The following SYNGR1 variants were observed in gnomAD, a reference collection of about 807,000 sequenced individuals.
SYNGR1 encodes synaptogyrin 1.
In SYNGR1, 14 loss-of-function variants were observed where a neutral mutation model predicts 26.1. That is an observed-to-expected ratio of 0.54 (90% CI 0.35 to 0.84). The LOEUF (loss-of-function observed/expected upper bound fraction) is 0.84, where lower values mean the gene tolerates loss of function less well. SYNGR1 is among the 40% of genes least tolerant of loss of function. The probability of loss-of-function intolerance (pLI) is 0.01; values close to 1 mark genes in which losing one functional copy is unlikely to be tolerated. For missense variants in SYNGR1, 319 were observed against 332.9 expected (o/e 0.96, Z 0.33); for synonymous variants, 141 against 150.1 (o/e 0.94, Z 0.44).
intron 1 of SYNGR1, among the ~76,000 whole-genome samples, 178 bp from the exon 2 acceptor site, chr22:39,374,137 AT>A (rs1601663797): frequency 6.6e-6 from 1 of 152,088 alleles, no homozygotes; most frequent in African/African-American, 2.4e-5. Flanking sequence ...ACCTGGTGCT[AT>A]GTGACCCACA....
intron 1 of SYNGR1, among the ~76,000 whole-genome samples, chr22:39,358,869 A>G (rs192906540): frequency 2.0e-5 from 3 of 152,364 alleles, no homozygotes; most frequent in Admixed American, 1.3e-4. Context: ...GTCCCTTCAC[A>G]GATAGAGTTT....
intron 1 of SYNGR1, among the ~76,000 whole-genome samples, chr22:39,351,482 G>A (rs1362495056): frequency 6.6e-6 from 1 of 152,258 alleles, no homozygotes; most frequent in Non-Finnish European, 1.5e-5. Flanking sequence ...TGTGTTTGTG[G>A]CTCTGAATTC....
chr22:39,358,079 G>T (rs530187753), intron 1 of SYNGR1, among the ~76,000 whole-genome samples: 5 of 152,278 alleles, frequency 3.3e-5, no homozygotes, highest in African/African-American at 1.2e-4. Flanking sequence ...TGGTGGGGAC[G>T]TGGAGAGTCT....
At chr22:39,362,383 G>T (rs1213943073) in intron 1 of SYNGR1, among the ~76,000 whole-genome samples, 1 of 149,858 alleles carries the variant, frequency 6.7e-6, no homozygotes, top group Non-Finnish European at 1.5e-5. Context: ...TCCCCAGTGG[G>T]TCACTTCCAA....
chr22:39,369,079 G>A (rs1322905725), intron 1 of SYNGR1, among the ~76,000 whole-genome samples: 8 of 152,216 alleles, frequency 5.3e-5, no homozygotes, highest in Admixed American at 6.5e-5. Flanking sequence ...TGGCGGGTCT[G>A]TATGATTCCT....
chr22:39,359,630 C>CAA (rs60500594), intron 1 of SYNGR1, among the ~76,000 whole-genome samples: 8 of 78,128 alleles, frequency 1.0e-4, no homozygotes, highest in East Asian at 4.4e-4. Flanking sequence ...GACTCTGTCT[C>CAA]AAAAAAAAAA....
intron 2 of SYNGR1, chr22:39,375,732 A>C: frequency 1.7e-6 from 1 of 596,562 alleles, no homozygotes; most frequent in East Asian, 2.8e-5. Context: ...ATGCGGCCTG[A>C]GTTGATTACC....
chr22:39,371,642 A>G (rs1925024423), intron 1 of SYNGR1, among the ~76,000 whole-genome samples: 1 of 152,076 alleles, frequency 6.6e-6, no homozygotes, highest in Non-Finnish European at 1.5e-5. Context: ...AATACAAAAA[A>G]TTAACCAGGT....
chr22:39,359,611 A>G (rs913080889), intron 1 of SYNGR1, among the ~76,000 whole-genome samples: 27 of 131,956 alleles, frequency 2.0e-4, no homozygotes, highest in African/African-American at 6.3e-4. Flanking sequence ...AGCCTGGGCA[A>G]CAAAGTGAGA....
rs1226940442 is a variant in SYNGR1, at chr22:39,366,469, A to T, written c.100-7847A>T. On this transcript the variant is annotated intron_variant, in intron 1 of 3. Coordinates refer to ENST00000328933, the MANE Select transcript of SYNGR1 (RefSeq NM_004711.5). ...GAGACCAACCTGGCCAACATGGTGA[A>T]ACCCCATCTCTACTAAAAATATAAA... Among the ~76,000 whole-genome samples, 4 of 151,510 alleles carry T rather than the reference A, an allele frequency of 2.6e-5. No homozygotes were observed. The East Asian group carries it at 7.9e-4, about 30-fold the overall frequency.
intron 1 of SYNGR1, among the ~76,000 whole-genome samples, chr22:39,361,410 G>A (rs1193448009): frequency 6.8e-6 from 1 of 147,332 alleles, no homozygotes; most frequent in African/African-American, 2.5e-5. Flanking sequence ...CTAGGTTGGA[G>A]TACAGTAGCA....
intron 1 of SYNGR1, among the ~76,000 whole-genome samples, chr22:39,354,407 A>G (rs1192494618): frequency 6.6e-6 from 1 of 152,152 alleles, no homozygotes; most frequent in African/African-American, 2.4e-5. Context: ...TGGGCTCCAC[A>G]TTCTGTGTAC....
intron 1 of SYNGR1, among the ~76,000 whole-genome samples, chr22:39,353,394 G>A (rs1487807962): frequency 6.6e-6 from 1 of 152,168 alleles, no homozygotes; most frequent in Admixed American, 6.6e-5. Context: ...GCCCAGGCTG[G>A]TCTCAGACTC....
chr22:39,381,563 G>A, intron 3 of SYNGR1, 133 bp from the exon 4 acceptor site: 1 of 888,246 alleles, frequency 1.1e-6, no homozygotes, highest in Non-Finnish European at 1.8e-6. Flanking sequence ...CTCATGTTTG[G>A]TGCTTTGAGG....
chr22:39,375,316 G>C, intron 2 of SYNGR1: 1 of 156,962 alleles, frequency 6.4e-6, no homozygotes, highest in Non-Finnish European at 1.4e-5. Flanking sequence ...TTCCCTGGCA[G>C]TGCCTCTGGG....
At chr22:39,361,329 A>G (rs1367040825) in intron 1 of SYNGR1, among the ~76,000 whole-genome samples, 1 of 150,470 alleles carries the variant, frequency 6.6e-6, no homozygotes, top group East Asian at 1.9e-4. Context: ...GAGGAAAAGC[A>G]GACAGAACTG....
At chr22:39,352,656 A>T (rs915667255) in intron 1 of SYNGR1, among the ~76,000 whole-genome samples, 15 of 152,160 alleles carry the variant, frequency 9.9e-5, no homozygotes, top group Non-Finnish European at 1.8e-4. Context: ...CTCACACCAC[A>T]GGGCAGAGCA....
intron 1 of SYNGR1, among the ~76,000 whole-genome samples, chr22:39,361,845 C>T (rs1924487123): frequency 6.6e-6 from 1 of 152,094 alleles, no homozygotes; most frequent in Non-Finnish European, 1.5e-5. Context: ...TCCCCTCTCC[C>T]ACCTCTTCCC....
chr22:39,374,604 C>A, intron 2 of SYNGR1, 51 bp downstream of exon 2: 1 of 1,588,788 alleles, frequency 6.3e-7, no homozygotes, highest in Non-Finnish European at 8.6e-7. Flanking sequence ...AGAGGGCTGT[C>A]CCGGCCATAG....
Sources: gnomAD v4.1 joint callset for allele counts (sites outside exome capture counted in the v4.1 genomes callset) on GRCh38, gnomAD v4.1.1 for gene constraint, MANE v1.5 for transcripts, NCBI Gene and HGNC (gene_info 2026-07-23, HGNC 2026-07-21) for gene names.